Variants in EVI5 observed in about 807,000 individuals in gnomAD.
EVI5 encodes ecotropic viral integration site 5 protein homolog.
A neutral mutation model predicts 112.0 loss-of-function variants in EVI5; 73 were observed. That is an observed-to-expected ratio of 0.65 (90% CI 0.54 to 0.79). The LOEUF (loss-of-function observed/expected upper bound fraction) is 0.79. EVI5 is among the 30% of genes least tolerant of loss of function. The pLI is 0.00. For missense variants in EVI5, 900 were observed against 968.8 expected, an observed-to-expected ratio of 0.93 and a Z score of 0.94; for synonymous variants, 305 against 319.9, an observed-to-expected ratio of 0.95 and a Z score of 0.50.
At position 92,595,270 on chromosome 1, in the gene EVI5, A is replaced by G. The variant is rs543433197; in HGVS notation, c.2070+10037T>C. On this transcript the variant is annotated intron_variant, in intron 18 of 19. Transcript: ENST00000684568. ...ATGAGTTCATGTCCTTTGTAGGGAC[A>G]TGGATGAAGCTGGAAACCATCATTC... 2.4e-3 allele frequency among the ~76,000 whole-genome samples: 365 copies of G among 151,874 alleles called. 2 individuals carry two copies. The highest frequency in any genetic ancestry group is 8.2e-3 in the African/African-American group (340 of 41,376).
chr1:92,765,405 G>A (rs1380264049), intron 1 of EVI5, among the ~76,000 whole-genome samples: 1 of 149,728 alleles, frequency 6.7e-6, no homozygotes, highest in Non-Finnish European at 1.5e-5. Flanking sequence ...AATTAATATA[G>A]CTGCTATTTA....
At chr1:92,614,840 TTATATATATATA>T (rs561640520) in intron 16 of EVI5, among the ~76,000 whole-genome samples, 14 of 12,610 alleles carry the variant, frequency 1.1e-3, no homozygotes, top group Admixed American at 6.8e-3. Flanking sequence ...ATGTTATATT[TTATATATATATA>T]TATATATATA....
chr1:92,607,590 A>T lies in EVI5; in HGVS notation c.1965T>A (p.Ile655=). The change falls in exon 17 of 20, where the codon ATT becomes ATA. Residue 655 remains isoleucine (I), a synonymous_variant. Transcript: ENST00000684568. ...LSEAKRKQAE[I]ECKNKEEVMA... ...TAGTTGACATATTTACCTTGCATTCAATCTCTGCTTGTTTACGCTTTGCTT... is the reference window on the plus strand; with the variant it reads ...TAGTTGACATATTTACCTTGCATTCTATCTCTGCTTGTTTACGCTTTGCTT... 6.3e-7 allele frequency: 1 copy of T among 1,575,392 alleles called. No individual in the cohort carries two copies. Among genetic ancestry groups the T allele is most frequent in the African/African-American group, 1.4e-5 (1 of 72,766 alleles).
At chr1:92,616,677 G>A (rs1017336917) in intron 16 of EVI5, among the ~76,000 whole-genome samples, 4 of 152,288 alleles carry the variant, frequency 2.6e-5, no homozygotes, top group African/African-American at 7.2e-5. Context: ...TAGGATTTTG[G>A]AGCGAGACCC....
At chr1:92,792,102 CT>C (rs1183337338) in intron 1 of EVI5, among the ~76,000 whole-genome samples, 1 of 152,184 alleles carries the variant, frequency 6.6e-6, no homozygotes, top group African/African-American at 2.4e-5. Context: ...ACTAAAATAC[CT>C]TTCTTGCAGG....
chr1:92,539,794 C>T lies in EVI5; in HGVS notation c.2166+23848G>A, dbSNP rs1664516880. Among the ~76,000 whole-genome samples the T allele has an allele frequency of 2.6e-5, 4 of 152,160 alleles. No homozygotes were observed. In the South Asian group the frequency reaches 8.3e-4, roughly 32 times the overall value. On this transcript the variant is annotated intron_variant, in intron 19 of 19. Transcript: ENST00000684568. The stretch of plus-strand genomic sequence containing the variant: ...ATGCATAGAGTTGTGCAACCATCAC[C>T]ACAACCAATCCTAGAATATTTTTAT...
chr1:92,588,942 TTACCC>T (rs1293451706), intron 18 of EVI5, among the ~76,000 whole-genome samples: 2 of 152,232 alleles, frequency 1.3e-5, no homozygotes, highest in East Asian at 3.8e-4. Flanking sequence ...ATAATGGTCC[TTACCC>T]TCAATGAACT....
intron 19 of EVI5, among the ~76,000 whole-genome samples, chr1:92,551,889 C>T (rs999081149): frequency 1.3e-5 from 2 of 152,124 alleles, no homozygotes; most frequent in African/African-American, 4.8e-5. Flanking sequence ...ACTTGACTTC[C>T]AGTTTCCCTT....
At chr1:92,753,681 C>T (rs1460140197) in intron 1 of EVI5, among the ~76,000 whole-genome samples, 16 of 152,266 alleles carry the variant, frequency 1.1e-4, no homozygotes, top group Middle Eastern at 3.4e-3. Context: ...TTAAACAACA[C>T]AGGTTACAAG....
At position 92,683,850 on chromosome 1, in the gene EVI5, A is replaced by G. The variant is rs141954282; in HGVS notation, c.1098-6632T>C. Among the ~76,000 whole-genome samples, 1,028 of 152,268 alleles carry G rather than the reference A, an allele frequency of 6.8e-3. 11 individuals are homozygous for G. Among genetic ancestry groups the G allele is most frequent in the African/African-American group, 0.023 (946 of 41,544 alleles). On this transcript the variant is annotated intron_variant, in intron 9 of 19. Transcript: ENST00000684568. ...ATAAAACGAAAAGACAAGATGAGAG[A>G]AAAAAAGAGTGAAAAGAAATGAACA... is the stretch of plus-strand genomic sequence containing the variant.
At chr1:92,691,907 G>T (rs942784364) in intron 9 of EVI5, among the ~76,000 whole-genome samples, 8 of 152,154 alleles carry the variant, frequency 5.3e-5, no homozygotes, top group African/African-American at 1.9e-4. Context: ...GGGGATGGGA[G>T]TTTGGGAAGA....
chr1:92,631,439 G>A (rs1657078462), intron 14 of EVI5, among the ~76,000 whole-genome samples: 1 of 152,132 alleles, frequency 6.6e-6, no homozygotes, highest in Non-Finnish European at 1.5e-5. Context: ...TCTCTTTGAA[G>A]CAATTGTGAA....
intron 1 of EVI5, among the ~76,000 whole-genome samples, chr1:92,740,993 G>T (rs1359118202): frequency 6.6e-6 from 1 of 152,138 alleles, no homozygotes; most frequent in African/African-American, 2.4e-5. Context: ...CCACTGTATG[G>T]TGCCAGAGGT....
chr1:92,649,896 CAGG>C (rs1661783444), intron 13 of EVI5, among the ~76,000 whole-genome samples: 2 of 152,198 alleles, frequency 1.3e-5, no homozygotes, highest in African/African-American at 2.4e-5. Flanking sequence ...CATTCTTTAG[CAGG>C]AGAATATCCA....
At chr1:92,783,832 G>C (rs147703518) in intron 1 of EVI5, among the ~76,000 whole-genome samples, 1 of 141,412 alleles carries the variant, frequency 7.1e-6, no homozygotes, top group African/African-American at 2.6e-5. Context: ...AAAAAGAAAA[G>C]AAAAGAAAAA....
intron 9 of EVI5, among the ~76,000 whole-genome samples, chr1:92,688,999 T>TA (rs1297951575): frequency 6.6e-6 from 1 of 151,754 alleles, no homozygotes; most frequent in African/African-American, 2.4e-5. Flanking sequence ...TAGTAACCAC[T>TA]AACAAGTCAA....
intron 1 of EVI5, chr1:92,784,363 C>G (rs957227874): frequency 2.0e-6 from 2 of 985,392 alleles, no homozygotes; most frequent in Non-Finnish European, 2.4e-6. Context: ...CTGTCTTGCC[C>G]ATCAGCAGCC....
chr1:92,537,688 C>G (rs936173502), intron 19 of EVI5, among the ~76,000 whole-genome samples: 1 of 150,842 alleles, frequency 6.6e-6, no homozygotes, highest in African/African-American at 2.4e-5. Flanking sequence ...TCCAGAGAAT[C>G]AGAACAGGAA....
At chr1:92,624,576 C>T (rs996618260) in intron 15 of EVI5, among the ~76,000 whole-genome samples, 2 of 151,064 alleles carry the variant, frequency 1.3e-5, no homozygotes, top group Non-Finnish European at 2.9e-5. Flanking sequence ...CGCAGTGGCT[C>T]TCACACCTGT....
Sources: gnomAD v4.1 joint callset for allele counts (sites outside exome capture counted in the v4.1 genomes callset) on GRCh38, gnomAD v4.1.1 for gene constraint, MANE v1.5 for transcripts, NCBI Gene and HGNC (gene_info 2026-07-23, HGNC 2026-07-21) for gene names.